Variants in ATP2A3 observed in about 807,000 individuals in gnomAD.
ATP2A3 encodes ATPase sarcoplasmic/endoplasmic reticulum Ca2+ transporting 3, also known as sarcoplasmic/endoplasmic reticulum calcium ATPase 3.
A neutral mutation model predicts 106.8 loss-of-function variants in ATP2A3; 61 were observed. That is an observed-to-expected ratio of 0.57 (90% CI 0.46 to 0.71). ATP2A3 has a LOEUF of 0.71. ATP2A3 is among the 30% of genes least tolerant of loss of function. The pLI is 0.00. For synonymous variants in ATP2A3, 611 were observed against 609.3 expected (o/e 1.00, Z -0.04); for missense variants, 1,201 against 1,423.5 (o/e 0.84, Z 2.52).
At chr17:3,950,383 C>G (rs2054346204) in intron 7 of ATP2A3, 128 bp downstream of exon 7, 1 of 919,948 alleles carries the variant, frequency 1.1e-6, no homozygotes, top group Non-Finnish European at 1.7e-6. Context: ...AGGCTGGTCT[C>G]GAACTCCTGA....
rs910343776 is a variant in ATP2A3, at chr17:3,926,508, G to C, written c.2981-1067C>G. Reference sequence around the variant, plus strand: ...GGTGGAGGTGGAGGTGCTTTCTGGGGCCAGCTCCCCAGATCTGTTCAATGC... The same window carrying C: ...GGTGGAGGTGGAGGTGCTTTCTGGGCCCAGCTCCCCAGATCTGTTCAATGC... On this transcript the variant is annotated intron_variant, in intron 20 of 20. Transcript: ENST00000397041. The surrounding 1 kb of genome is among the most constrained non-coding windows in gnomAD (Gnocchi z 4.6). 2.6e-5 allele frequency among the ~76,000 whole-genome samples: 4 copies of C among 152,096 alleles called. No homozygotes were observed. The highest frequency in any genetic ancestry group is 7.2e-5 in the African/African-American group (3 of 41,402).
chr17:3,957,966 A>G (rs1037537933), intron 1 of ATP2A3, among the ~76,000 whole-genome samples: 1 of 152,188 alleles, frequency 6.6e-6, no homozygotes, highest in African/African-American at 2.4e-5. Context: ...TGCCTGGCTC[A>G]TGTTGCCAGA....
intron 16 of ATP2A3, 22 bp from the exon 17 acceptor site, chr17:3,935,299 G>A (rs369762611): frequency 1.1e-5 from 18 of 1,608,152 alleles, no homozygotes; most frequent in African/African-American, 2.7e-5. Flanking sequence ...GGAGGAGACC[G>A]GCTGTAGAGA....
rs772232977 is a variant in ATP2A3 at position 3,927,976 on chromosome 17, C to G, written c.2980+687G>C. On this transcript the variant is annotated intron_variant, in intron 20 of 20. Coordinates refer to ENST00000397041, the MANE Select transcript of ATP2A3 (RefSeq NM_005173.4). ...CTGCGCAAATTCCCAGGAACCGGAG[C>G]TCACCCCTGCTTCCTCCCTCTCTGA... 3 of 1,613,934 alleles carry G rather than the reference C, an allele frequency of 1.9e-6. No homozygotes were observed. In the South Asian group the frequency reaches 3.3e-5, roughly 18 times the overall value.
intron 17 of ATP2A3, among the ~76,000 whole-genome samples, chr17:3,933,968 G>C (rs1597585371): frequency 6.6e-6 from 1 of 150,846 alleles, no homozygotes; most frequent in African/African-American, 2.5e-5. Flanking sequence ...CTGTCTCCCA[G>C]GCTCGAGTGC....
Position 3,951,315 on chromosome 17 carries a change from G to T in ATP2A3, c.399C>A (p.Asp133Glu), listed in dbSNP as rs2054413560. 1.2e-6 allele frequency: 2 copies of T among 1,613,914 alleles called. No homozygotes were observed. Among genetic ancestry groups the T allele is most frequent in the Non-Finnish European group, 8.5e-7 (1 of 1,180,012 alleles). Residue 133 changes from aspartate to glutamate, a missense_variant, in exon 5 of 21, where the codon GAC (aspartate) becomes GAA (glutamate). Around this residue, in one of 2 missense-constraint regions of ATP2A3, gnomAD observed 266 missense variants for 246.8 expected, o/e 1.08. Coordinates refer to ENST00000397041, the MANE Select transcript of ATP2A3 (RefSeq NM_005173.4). ...EPEMGKVIRS[D>E]RKGVQRIRAR... ...CACGGATCCTCTGCACGCCCTTGCG[G>T]TCCGAGCGGATCACCTTGCCCATCT...
intron 20 of ATP2A3, chr17:3,927,798 C>A (rs1039500880): frequency 2.0e-6 from 2 of 985,360 alleles, no homozygotes. Flanking sequence ...ATGACAGACG[C>A]GTGATCTATT....
Position 3,955,642 on chromosome 17 carries a change from C to T in ATP2A3, c.119-1932G>A, listed in dbSNP as rs532855030. On this transcript the variant is annotated intron_variant, in intron 1 of 20. Transcript: ENST00000397041. The surrounding 1 kb of genome is among the most constrained non-coding windows in gnomAD (Gnocchi z 4.2). The stretch of plus-strand genomic sequence containing the variant: ...GGTCACCCCAGCCATGCCCCAGCCT[C>T]GAATCAGGACAGCACTAACCTCATG... 1.3e-5 allele frequency among the ~76,000 whole-genome samples: 2 copies of T among 152,168 alleles called. No individual in the cohort carries two copies. The highest frequency in any genetic ancestry group is 2.9e-5 in the Non-Finnish European group (2 of 68,030).
intron 1 of ATP2A3, among the ~76,000 whole-genome samples, chr17:3,961,561 C>T (rs947133913): frequency 1.3e-5 from 2 of 152,226 alleles, no homozygotes; most frequent in Admixed American, 1.3e-4. Context: ...CCTCCCTCCC[C>T]TGGCAGAATT....
chr17:3,930,600 G>A lies in ATP2A3; in HGVS notation c.2611-166C>T, dbSNP rs34521961. 0.022 allele frequency: 20,426 copies of A among 946,308 alleles called. 694 individuals are homozygous for A. The highest frequency in any genetic ancestry group is 0.041 in the Middle Eastern group (126 of 3,082). 58.6% of individuals were successfully genotyped at this position (946,308 alleles called of 1,614,324 possible). ...ATCCCGGGAGGGGTGCGGGGTCGGG[G>A]CGGCGGTGGGGAGAGCTGCACCGTG... is the stretch of plus-strand genomic sequence containing the variant. On this transcript the variant is annotated intron_variant, in intron 17 of 20. Transcript: ENST00000397041. This position sits in a 1 kb window ranked among gnomAD's most constrained non-coding sequence, Gnocchi z 5.4.
In ATP2A3 at chr17:3,925,079, T is replaced by A. The variant is rs1387691261; in HGVS notation, c.*343A>T. The stretch of plus-strand genomic sequence containing the variant: ...GAGCAAGCTCCAGCTGCACTCGTGA[T>A]TTGGGGGTGGGGGGGCCCCGGATCT... On this transcript the variant is annotated 3_prime_UTR_variant, in exon 21 of 21. Coordinates refer to ENST00000397041, the MANE Select transcript of ATP2A3 (RefSeq NM_005173.4). This position sits in a 1 kb window ranked among gnomAD's most constrained non-coding sequence, Gnocchi z 4.2. The A allele has an allele frequency of 4.1e-6, 2 of 493,232 alleles. No homozygotes were observed. Among genetic ancestry groups the A allele is most frequent in the Non-Finnish European group, 7.4e-6 (2 of 269,574 alleles). 30.6% of individuals were successfully genotyped at this position (493,232 alleles called of 1,614,324 possible).
At chr17:3,932,561 TC>T (rs1423471114) in intron 17 of ATP2A3, among the ~76,000 whole-genome samples, 1 of 152,206 alleles carries the variant, frequency 6.6e-6, no homozygotes, top group Non-Finnish European at 1.5e-5. Flanking sequence ...CACCGCAGCC[TC>T]CCAAGTAGCT....
rs575172307 is a variant in ATP2A3 at position 3,941,017 on chromosome 17, G to C, written c.2054C>G (p.Ser685Cys). 2 of 1,613,968 alleles carry C rather than the reference G, an allele frequency of 1.2e-6. No individual in the cohort carries two copies. Among genetic ancestry groups the C allele is most frequent in the Middle Eastern group, 3.3e-4 (2 of 6,062 alleles). ...GGACTGCAGGTTCTCCACGATGCGG[G>C]ACTTGTGTGCGGGCTCCACGCGGGC... ...CFARVEPAHK[S>C]RIVENLQSFN... is the part of the protein sequence containing the mutation. The change falls in exon 14 of 21, where the codon TCC becomes TGC. Residue 685 changes from serine to cysteine, a missense_variant. Coordinates refer to ENST00000397041, the MANE Select transcript of ATP2A3 (RefSeq NM_005173.4).
rs1597562464 is a variant in ATP2A3 at position 3,928,409 on chromosome 17, T to C, written c.2980+254A>G. On this transcript the variant is annotated intron_variant, in intron 20 of 20. Transcript: ENST00000397041. The surrounding 1 kb of genome is among the most constrained non-coding windows in gnomAD (Gnocchi z 6.1). ...TGTAGGGGGTGGCAGGTGAAGACAG[T>C]GAGGCAGTGTGGCCCAAGAGGTGCT... 1 of 1,348,716 alleles carries C rather than the reference T, an allele frequency of 7.4e-7. No homozygotes were observed. The highest frequency in any genetic ancestry group is 1.0e-6 in the Non-Finnish European group (1 of 960,962). The allele number at this position is 1,348,716 out of a possible 1,614,324, so 83.5% of individuals were successfully genotyped here. A position where few individuals can be genotyped will look rare whatever the true frequency, so the allele number is the denominator to read the frequency against.
intron 3 of ATP2A3, among the ~76,000 whole-genome samples, chr17:3,952,067 A>T (rs1039511848): frequency 6.6e-6 from 1 of 152,184 alleles, no homozygotes; most frequent in African/African-American, 2.4e-5. Context: ...GGTGGGGCCC[A>T]GTCACCTGTG....
At chr17:3,951,756 C>G (rs892615910) in intron 3 of ATP2A3, 71 bp from the exon 4 acceptor site, 1 of 1,413,386 alleles carries the variant, frequency 7.1e-7, no homozygotes, top group African/African-American at 1.4e-5. Flanking sequence ...CCTTGGCACC[C>G]CGGATCTCCT....
intron 17 of ATP2A3, among the ~76,000 whole-genome samples, chr17:3,932,034 GAGAT>G (rs1477624353): frequency 6.6e-6 from 1 of 152,218 alleles, no homozygotes; most frequent in Admixed American, 6.5e-5. Flanking sequence ...TTTTAACAAA[GAGAT>G]AGAGAATCTG....
chr17:3,945,044 CT>C lies in ATP2A3; in HGVS notation c.1184+15del. The C allele has an allele frequency of 6.6e-7, 1 of 1,517,624 alleles. No individual in the cohort carries two copies. Among genetic ancestry groups the C allele is most frequent in the Non-Finnish European group, 8.8e-7 (1 of 1,131,000 alleles). 94.0% of individuals were successfully genotyped at this position (1,517,624 alleles called of 1,614,324 possible). A position where few individuals can be genotyped will look rare whatever the true frequency, so the allele number is the denominator to read the frequency against. ...CCCAGGCCGCCCGCCCGCGCGTCCC[CT>C]GGCCCCGCACTCACACTTCGCCCTC... On this transcript the variant is annotated intron_variant, in intron 9 of 20. Coordinates refer to ENST00000397041, the MANE Select transcript of ATP2A3 (RefSeq NM_005173.4).
rs55797273 is a variant in ATP2A3, at chr17:3,923,928, T to C, written c.*1494A>G. 1 of 152,166 alleles carries C rather than the reference T, an allele frequency of 6.6e-6. No homozygotes were observed. Among genetic ancestry groups the C allele is most frequent in the Non-Finnish European group, 1.5e-5 (1 of 68,066 alleles). The allele number at this position is 152,166 out of a possible 1,614,324, so 9.4% of individuals were successfully genotyped here. On this transcript the variant is annotated 3_prime_UTR_variant, in exon 21 of 21. Coordinates refer to ENST00000397041, the MANE Select transcript of ATP2A3 (RefSeq NM_005173.4). ...ACCAAACAGCAGGTCAGCAGGTGGG[T>C]ACAGGGCCCGCTCCTGCTAAGACCT... is the stretch of plus-strand genomic sequence containing the variant.
Sources: allele counts gnomAD v4.1 joint callset (sites outside exome capture counted in the v4.1 genomes callset), GRCh38; gene constraint gnomAD v4.1.1; regional missense constraint gnomAD v4.1.1; non-coding constraint Gnocchi (gnomAD v3.1); transcripts MANE v1.5; gene names NCBI Gene and HGNC (gene_info 2026-07-23, HGNC 2026-07-21).